The following TSGA10 variants were observed in gnomAD, a reference collection of about 807,000 sequenced individuals.
The protein encoded by TSGA10 is testis specific 10.
A neutral mutation model predicts 96.6 loss-of-function variants in TSGA10; 43 were observed. The observed-to-expected ratio is 0.44, with a 90% confidence interval of 0.35 to 0.57. The LOEUF is 0.57. Ranked by LOEUF, TSGA10 falls within the 20% of genes least tolerant of loss-of-function variation. TSGA10 has a pLI of 0.01. For missense variants in TSGA10, 703 were observed against 834.4 expected, an observed-to-expected ratio of 0.84 and a Z score of 1.94; for synonymous variants, 229 against 269.9, an observed-to-expected ratio of 0.85 and a Z score of 1.48.
At chr2:99,085,498 A>G (rs1476333146) in intron 10 of TSGA10, among the ~76,000 whole-genome samples, 4 of 150,652 alleles carry the variant, frequency 2.7e-5, no homozygotes, top group East Asian at 3.9e-4. Context: ...GGTCCCAGCT[A>G]CTTGGGAGGC....
chr2:99,072,949 A>G (rs1000562382), intron 13 of TSGA10, 69 bp downstream of exon 13: 4 of 1,085,386 alleles, frequency 3.7e-6, no homozygotes, highest in Non-Finnish European at 4.2e-6. Flanking sequence ...GTTTCTTACT[A>G]TCTTTGTACC....
intron 20 of TSGA10, among the ~76,000 whole-genome samples, chr2:99,005,303 A>G (rs992823893): frequency 6.6e-5 from 10 of 152,214 alleles, no homozygotes; most frequent in African/African-American, 2.2e-4. Context: ...GCAATTAGGC[A>G]GGAGAAAGAA....
intron 16 of TSGA10, among the ~76,000 whole-genome samples, chr2:99,063,997 T>C (rs1305518043): frequency 6.6e-6 from 1 of 152,154 alleles, no homozygotes; most frequent in Non-Finnish European, 1.5e-5. Context: ...GAAAAAATTG[T>C]CTGACAATAT....
At chr2:99,147,238 A>AT in intron 1 of TSGA10, 1 of 464,016 alleles carries the variant, frequency 2.2e-6, no homozygotes, top group East Asian at 3.2e-5. Context: ...TGGACTCAAG[A>AT]GATCTTTCCA....
intron 20 of TSGA10, among the ~76,000 whole-genome samples, chr2:99,006,990 T>C (rs1368690294): frequency 6.6e-6 from 1 of 152,146 alleles, no homozygotes; most frequent in East Asian, 1.9e-4. Context: ...ATGTCCTTTG[T>C]AGGGACATGG....
At chr2:99,099,260 C>A (rs1159429947) in intron 10 of TSGA10, among the ~76,000 whole-genome samples, 2 of 152,112 alleles carry the variant, frequency 1.3e-5, no homozygotes, top group African/African-American at 2.4e-5. Context: ...TGCGGTGAGC[C>A]AAGATCGCGC....
chr2:99,009,905 T>C (rs2078860567), intron 20 of TSGA10, among the ~76,000 whole-genome samples: 1 of 152,214 alleles, frequency 6.6e-6, no homozygotes, highest in Non-Finnish European at 1.5e-5. Context: ...CACATGTGTA[T>C]ATAAGAAAAC....
At chr2:99,016,106 C>A (rs886969847) in intron 20 of TSGA10, among the ~76,000 whole-genome samples, 2 of 152,098 alleles carry the variant, frequency 1.3e-5, no homozygotes, top group South Asian at 2.1e-4. Flanking sequence ...CAGTGCAGTT[C>A]CAATCAAAGT....
At chr2:99,114,491 G>C (rs1026748065) in intron 4 of TSGA10, among the ~76,000 whole-genome samples, 1 of 151,964 alleles carries the variant, frequency 6.6e-6, no homozygotes, top group Non-Finnish European at 1.5e-5. Flanking sequence ...TGTTTTTCCT[G>C]TGTCAGCAAT....
chr2:98,998,079 A>T lies in TSGA10; in HGVS notation c.*118T>A. 1 of 902,112 alleles carries T rather than the reference A, an allele frequency of 1.1e-6. No individual in the cohort carries two copies. The highest frequency in any genetic ancestry group is 1.7e-6 in the Non-Finnish European group (1 of 579,902). 55.9% of individuals were successfully genotyped at this position (902,112 alleles called of 1,614,324 possible). The stretch of plus-strand genomic sequence containing the variant: ...AACAGAGATTCAGAGACACAAAGTT[A>T]ATAAATACATTTAACATTGCCAAGC... On this transcript the variant is annotated 3_prime_UTR_variant, in exon 21 of 21. Coordinates refer to ENST00000393483, the MANE Select transcript of TSGA10 (RefSeq NM_025244.4).
chr2:99,082,915 A>G (rs2087705983), intron 10 of TSGA10, among the ~76,000 whole-genome samples: 2 of 152,206 alleles, frequency 1.3e-5, no homozygotes, highest in South Asian at 2.1e-4. Context: ...TTAAACTAAC[A>G]TCAAAATTTT....
intron 1 of TSGA10, among the ~76,000 whole-genome samples, chr2:99,131,768 GCT>G (rs1180350104): frequency 2.6e-5 from 4 of 152,064 alleles, no homozygotes; most frequent in Non-Finnish European, 5.9e-5. Context: ...CTCATAAATA[GCT>G]CTTATTATTT....
intron 16 of TSGA10, among the ~76,000 whole-genome samples, chr2:99,062,432 T>C (rs1246437557): frequency 2.0e-5 from 3 of 152,162 alleles, no homozygotes; most frequent in Non-Finnish European, 4.4e-5. Flanking sequence ...CCCTGCACAT[T>C]GGAAAGTTTT....
At position 99,013,388 on chromosome 2, in the gene TSGA10, T is replaced by A. The variant is rs115993582; in HGVS notation, c.2072+4812A>T. On this transcript the variant is annotated intron_variant, in intron 20 of 20. Transcript: ENST00000393483. Reference sequence around the variant, plus strand: ...TTCTCTGTTGCTCAGGCTGGAATGCTGTGGCGCAATCTCGGCTCACTGCAA... The same window carrying A: ...TTCTCTGTTGCTCAGGCTGGAATGCAGTGGCGCAATCTCGGCTCACTGCAA... 3.6e-3 allele frequency among the ~76,000 whole-genome samples: 548 copies of A among 152,210 alleles called. 2 individuals carry two copies. Among genetic ancestry groups the A allele is most frequent in the Admixed American group, 5.7e-3 (87 of 15,286 alleles).
chr2:99,037,024 T>C (rs2081692921), intron 16 of TSGA10, among the ~76,000 whole-genome samples: 1 of 152,198 alleles, frequency 6.6e-6, no homozygotes, highest in African/African-American at 2.4e-5. Flanking sequence ...TATCTACTAT[T>C]CTAGATTACT....
At chr2:99,010,096 T>C (rs1042308682) in intron 20 of TSGA10, among the ~76,000 whole-genome samples, 3 of 152,250 alleles carry the variant, frequency 2.0e-5, no homozygotes, top group African/African-American at 7.2e-5. Flanking sequence ...AGCTGATTAC[T>C]TTCCTAGAAC....
chr2:99,039,253 C>A (rs1287843733), intron 16 of TSGA10, among the ~76,000 whole-genome samples: 1 of 151,242 alleles, frequency 6.6e-6, no homozygotes, highest in Non-Finnish European at 1.5e-5. Flanking sequence ...CAAACTCAAA[C>A]CCCGCAGAAG....
intron 12 of TSGA10, among the ~76,000 whole-genome samples, chr2:99,075,686 T>C (rs143801741): frequency 6.6e-6 from 1 of 152,188 alleles, no homozygotes; most frequent in Non-Finnish European, 1.5e-5. Flanking sequence ...ATGGATGTGT[T>C]TACTTTCATA....
intron 4 of TSGA10, among the ~76,000 whole-genome samples, chr2:99,111,191 G>C (rs1194520950): frequency 6.6e-6 from 1 of 152,002 alleles, no homozygotes; most frequent in Admixed American, 6.5e-5. Context: ...GGAACAAAAT[G>C]TTAGTACTAA....
Sources: gnomAD v4.1 joint callset for allele counts (sites outside exome capture counted in the v4.1 genomes callset) on GRCh38, gnomAD v4.1.1 for gene constraint, MANE v1.5 for transcripts, NCBI Gene and HGNC (gene_info 2026-07-23, HGNC 2026-07-21) for gene names.